DMAC1: variants seen among roughly 807,000 people sequenced by gnomAD.
DMAC1 encodes the protein distal membrane-arm assembly complex protein 1.
DMAC1 carries 10 observed loss-of-function variants against 7.0 expected under a neutral mutation model. That is an observed-to-expected ratio of 1.43 (90% CI 0.88 to 2.43). DMAC1 has a LOEUF of 2.43. DMAC1 is among the 30% of genes most tolerant of loss of function. The probability of loss-of-function intolerance (pLI) is 0.00; values close to 1 mark genes in which losing one functional copy is unlikely to be tolerated. For synonymous variants in DMAC1, 92 were observed against 66.2 expected (o/e 1.39, Z -1.90); for missense variants, 219 against 158.7 (o/e 1.38, Z -2.04).
At position 7,799,613 on chromosome 9, in the gene DMAC1, T is replaced by C; in HGVS notation, c.122A>G (p.His41Arg). 2.5e-6 allele frequency: 4 copies of C among 1,612,828 alleles called. No homozygotes were observed. The highest frequency in any genetic ancestry group is 3.4e-6 in the Non-Finnish European group (4 of 1,179,772). The change falls in exon 1 of 2, where the codon CAC becomes CGC. Residue 41 changes from histidine to arginine, a missense_variant. His to Arg is a conservative substitution (Grantham distance 29). Transcript: ENST00000358227. ...GCTCCAGCAGGTCTTCAACAGGCGG[T>C]GTTCTGCTGGGGAGGTCGGCGCTCC... ...TPGAPTSPAE[H>R]RLLKTCWSCR...
Position 7,799,602 on chromosome 9 carries a change from TCAA to T in DMAC1, c.130_132del (p.Leu44del). The T allele has an allele frequency of 5.0e-6, 8 of 1,613,546 alleles. No homozygotes were observed. Among genetic ancestry groups the T allele is most frequent in the Non-Finnish European group, 6.8e-6 (8 of 1,179,908 alleles). On this transcript the variant is annotated inframe_deletion, in exon 1 of 2. Coordinates refer to ENST00000358227, the MANE Select transcript of DMAC1 (RefSeq NM_033428.3). ...AGCACGCGACAGCTCCAGCAGGTCT[TCAA>T]CAGGCGGTGTTCTGCTGGGGAGGTC... is the stretch of plus-strand genomic sequence containing the variant.
rs1474520291 is a variant in DMAC1, at chr9:7,798,081, T to A, written c.*492A>T. On this transcript the variant is annotated 3_prime_UTR_variant, in exon 2 of 2. Coordinates refer to ENST00000358227, the MANE Select transcript of DMAC1 (RefSeq NM_033428.3). ...CACCCAGGGTTAGGTTAACAGTTGT[T>A]GATCCAATTATGAAAGAAATAAAAA... is the stretch of plus-strand genomic sequence containing the variant. 6.5e-6 allele frequency: 1 copy of A among 152,706 alleles called. No individual in the cohort carries two copies. The highest frequency in any genetic ancestry group is 1.5e-5 in the Non-Finnish European group (1 of 68,418). The allele number at this position is 152,706 out of a possible 1,614,324, so 9.5% of individuals were successfully genotyped here.
rs749086912 is a variant in DMAC1, at chr9:7,799,744, C to A, written c.-10G>T. ...ACAACCGAGACCCCATGCTCTGGAA[C>A]TCGGCCTCAACCTTGGGCGTCTTTG... On this transcript the variant is annotated 5_prime_UTR_variant, in exon 1 of 2. Coordinates refer to ENST00000358227, the MANE Select transcript of DMAC1 (RefSeq NM_033428.3). 6.6e-7 allele frequency: 1 copy of A among 1,515,280 alleles called. No homozygotes were observed. The highest frequency in any genetic ancestry group is 1.4e-5 in the African/African-American group (1 of 72,272). 93.9% of individuals were successfully genotyped at this position (1,515,280 alleles called of 1,614,324 possible).
intron 1 of DMAC1, 152 bp downstream of exon 1, chr9:7,799,309 C>T: frequency 1.0e-6 from 1 of 985,584 alleles, no homozygotes; most frequent in Non-Finnish European, 1.5e-6. Flanking sequence ...GGCGTTCCAA[C>T]AACTTCCTCT....
Position 7,796,760 on chromosome 9 carries a change from A to C in DMAC1, c.*1813T>G, listed in dbSNP as rs1353137181. 1 of 141,844 alleles carries C rather than the reference A, an allele frequency of 7.1e-6. No individual in the cohort carries two copies. Among genetic ancestry groups the C allele is most frequent in the Admixed American group, 7.4e-5 (1 of 13,584 alleles). The allele number at this position is 141,844 out of a possible 1,614,324, so 8.8% of individuals were successfully genotyped here. A position where few individuals can be genotyped will look rare whatever the true frequency, so the allele number is the denominator to read the frequency against. On this transcript the variant is annotated 3_prime_UTR_variant, in exon 2 of 2. Transcript: ENST00000358227. ...ATTCACTTCTACCTAACGAATAGTG[A>C]ATATATTACTTCCTTAATAACATTT...
In DMAC1 at chr9:7,797,509, T is replaced by G. The variant is rs183191315; in HGVS notation, c.*1064A>C. The G allele has an allele frequency of 6.6e-6, 1 of 152,316 alleles. No homozygotes were observed. Among genetic ancestry groups the G allele is most frequent in the East Asian group, 1.9e-4 (1 of 5,180 alleles). 9.4% of individuals were successfully genotyped at this position (152,316 alleles called of 1,614,324 possible). ...AATACACTATGATTAGCAGCTGAAT[T>G]TAACAGTATCTTTCCGCTTTGAAAA... On this transcript the variant is annotated 3_prime_UTR_variant, in exon 2 of 2. Coordinates refer to ENST00000358227, the MANE Select transcript of DMAC1 (RefSeq NM_033428.3).
Position 7,799,531 on chromosome 9 carries a change from C to T in DMAC1, c.204G>A (p.Val68=), listed in dbSNP as rs367565126. ...LMGAGGYVYW[V]ARKPMKMGYP... is the part of the protein sequence containing the mutation. ...ATCCCATCTTCATGGGCTTCCGTGC[C>T]ACCCAGTACACGTACCCGCCCGCCC... Residue 68 remains valine (V), a synonymous_variant, in exon 1 of 2, where the codon GTG becomes GTA. Coordinates refer to ENST00000358227, the MANE Select transcript of DMAC1 (RefSeq NM_033428.3). 1 of 1,613,800 alleles carries T rather than the reference C, an allele frequency of 6.2e-7. No individual in the cohort carries two copies. The highest frequency in any genetic ancestry group is 2.2e-5 in the East Asian group (1 of 44,848).
chr9:7,798,625 C>T lies in DMAC1; in HGVS notation c.287G>A (p.Trp96Ter). The T allele has an allele frequency of 6.3e-7, 1 of 1,579,722 alleles. No individual in the cohort carries two copies. The highest frequency in any genetic ancestry group is 1.1e-5 in the South Asian group (1 of 87,500). Residue 96 changes from tryptophan to a stop codon, truncating the protein, a stop_gained, in exon 2 of 2, where the codon TGG (tryptophan) becomes TAG (stop). Coordinates refer to ENST00000358227, the MANE Select transcript of DMAC1 (RefSeq NM_033428.3). LOFTEE classifies it high-confidence loss of function. ...QMVIGLSIAT[W>*]GIVVMADPKG... ...GGGGTCTGCCATGACAACGATACCCCAGGTGGCAATGCCTAGAAAAAAAAC... is the reference window on the plus strand; with the variant it reads ...GGGGTCTGCCATGACAACGATACCCTAGGTGGCAATGCCTAGAAAAAAAAC...
chr9:7,798,728 C>T, intron 1 of DMAC1, 91 bp from the exon 2 acceptor site: 1 of 1,073,252 alleles, frequency 9.3e-7, no homozygotes, highest in Non-Finnish European at 1.3e-6. Flanking sequence ...ACCCTCACAA[C>T]ACTTCTGGAG....
intron 1 of DMAC1, 152 bp from the exon 2 acceptor site, chr9:7,798,789 GAAAA>G (rs557728074): frequency 1.8e-6 from 1 of 564,816 alleles, no homozygotes; most frequent in Non-Finnish European, 2.8e-6. Flanking sequence ...CACAGAAAAA[GAAAA>G]AAAAATCAGG....
rs1206445396 is a variant in DMAC1, at chr9:7,799,767, T to G, written c.-33A>C. ...AACTCGGCCTCAACCTTGGGCGTCT[T>G]TGGTTCAAACTGGCGTAAACGACGC... On this transcript the variant is annotated 5_prime_UTR_variant, in exon 1 of 2. Transcript: ENST00000358227. 2.7e-6 allele frequency: 4 copies of G among 1,497,304 alleles called. No homozygotes were observed. Among genetic ancestry groups the G allele is most frequent in the Non-Finnish European group, 1.8e-6 (2 of 1,129,364 alleles). The allele number at this position is 1,497,304 out of a possible 1,614,324, so 92.8% of individuals were successfully genotyped here.
rs747182250 is a variant in DMAC1, at chr9:7,799,746, C to T, written c.-12G>A. On this transcript the variant is annotated 5_prime_UTR_variant, in exon 1 of 2. Transcript: ENST00000358227. ...AACCGAGACCCCATGCTCTGGAACT[C>T]GGCCTCAACCTTGGGCGTCTTTGGT... 6.6e-7 allele frequency: 1 copy of T among 1,508,446 alleles called. No individual in the cohort carries two copies. Among genetic ancestry groups the T allele is most frequent in the South Asian group, 1.3e-5 (1 of 78,026 alleles). The allele number at this position is 1,508,446 out of a possible 1,614,324, so 93.4% of individuals were successfully genotyped here. A position where few individuals can be genotyped will look rare whatever the true frequency, so the allele number is the denominator to read the frequency against.
rs1359326000 is a variant in DMAC1, at chr9:7,798,481, T to C, written c.*92A>G. On this transcript the variant is annotated 3_prime_UTR_variant, in exon 2 of 2. Transcript: ENST00000358227. ...GTAGTGATGTCTGTCCATGTACAAG[T>C]GTCTGTCCAGAACACCCATTAAATT... The C allele has an allele frequency of 5.3e-6, 7 of 1,312,458 alleles. No individual in the cohort carries two copies. The highest frequency in any genetic ancestry group is 5.5e-6 in the Non-Finnish European group (5 of 904,756). 81.3% of individuals were successfully genotyped at this position (1,312,458 alleles called of 1,614,324 possible). A position where few individuals can be genotyped will look rare whatever the true frequency, so the allele number is the denominator to read the frequency against.
Position 7,797,737 on chromosome 9 carries a change from G to T in DMAC1, c.*836C>A, listed in dbSNP as rs1023242153. 5 of 149,554 alleles carry T rather than the reference G, an allele frequency of 3.3e-5. No homozygotes were observed. Among genetic ancestry groups the T allele is most frequent in the South Asian group, 2.1e-4 (1 of 4,728 alleles). 9.3% of individuals were successfully genotyped at this position (149,554 alleles called of 1,614,324 possible). A position where few individuals can be genotyped will look rare whatever the true frequency, so the allele number is the denominator to read the frequency against. On this transcript the variant is annotated 3_prime_UTR_variant, in exon 2 of 2. Transcript: ENST00000358227. ...TAGCTAAAGGTTTTGAATTTTTCTTGTGACATTTAAGTCTTTTATTGTATG... is the reference window on the plus strand; with the variant it reads ...TAGCTAAAGGTTTTGAATTTTTCTTTTGACATTTAAGTCTTTTATTGTATG...
rs1818699341 is a variant in DMAC1, at chr9:7,799,583, C to G, written c.152G>C (p.Arg51Pro). ...HRLLKTCWSC[R>P]VLSGLGLMGA... ...CATCAGCCCCAACCCAGAAAGCACGCGACAGCTCCAGCAGGTCTTCAACAG... is the reference window on the plus strand; with the variant it reads ...CATCAGCCCCAACCCAGAAAGCACGGGACAGCTCCAGCAGGTCTTCAACAG... The change falls in exon 1 of 2, where the codon CGC becomes CCC. Residue 51 changes from arginine (R) to proline (P), a missense_variant. Transcript: ENST00000358227. 6.2e-7 allele frequency: 1 copy of G among 1,613,864 alleles called. No individual in the cohort carries two copies. Among genetic ancestry groups the G allele is most frequent in the Non-Finnish European group, 8.5e-7 (1 of 1,180,010 alleles).
intron 1 of DMAC1, 68 bp downstream of exon 1, chr9:7,799,393 G>T (rs77082293): frequency 0.041 from 64,148 of 1,570,042 alleles, 1,998 homozygotes; most frequent in East Asian, 0.15. Flanking sequence ...CGCCCACGTG[G>T]CTGCTCCGTT....
Position 7,799,773 on chromosome 9 carries a change from C to T in DMAC1, c.-39G>A. The T allele has an allele frequency of 6.7e-7, 1 of 1,494,976 alleles. No individual in the cohort carries two copies. The highest frequency in any genetic ancestry group is 8.9e-7 in the Non-Finnish European group (1 of 1,128,206). 92.6% of individuals were successfully genotyped at this position (1,494,976 alleles called of 1,614,324 possible). ...GCCTCAACCTTGGGCGTCTTTGGTTCAAACTGGCGTAAACGACGCACCGGA... is the reference window on the plus strand; with the variant it reads ...GCCTCAACCTTGGGCGTCTTTGGTTTAAACTGGCGTAAACGACGCACCGGA... On this transcript the variant is annotated 5_prime_UTR_variant, in exon 1 of 2. Coordinates refer to ENST00000358227, the MANE Select transcript of DMAC1 (RefSeq NM_033428.3).
At chr9:7,799,043 A>T (rs1818682266) in intron 1 of DMAC1, among the ~76,000 whole-genome samples, 1 of 152,098 alleles carries the variant, frequency 6.6e-6, no homozygotes, top group South Asian at 2.1e-4. Flanking sequence ...AATTTCTTAA[A>T]TTAAGGTCAA....
In DMAC1 at chr9:7,799,764, T is replaced by C; in HGVS notation, c.-30A>G. 1 of 1,497,540 alleles carries C rather than the reference T, an allele frequency of 6.7e-7. No individual in the cohort carries two copies. Among genetic ancestry groups the C allele is most frequent in the Non-Finnish European group, 8.9e-7 (1 of 1,129,334 alleles). 92.8% of individuals were successfully genotyped at this position (1,497,540 alleles called of 1,614,324 possible). On this transcript the variant is annotated 5_prime_UTR_variant, in exon 1 of 2. Coordinates refer to ENST00000358227, the MANE Select transcript of DMAC1 (RefSeq NM_033428.3). ...TGGAACTCGGCCTCAACCTTGGGCG[T>C]CTTTGGTTCAAACTGGCGTAAACGA...
Sources: allele counts gnomAD v4.1 joint callset (sites outside exome capture counted in the v4.1 genomes callset), GRCh38; gene constraint gnomAD v4.1.1; transcripts MANE v1.5; gene names NCBI Gene and HGNC (gene_info 2026-07-23, HGNC 2026-07-21).